Variants in SMIM14 observed in about 807,000 individuals in gnomAD.
SMIM14 encodes the protein small integral membrane protein 14.
SMIM14 carries 5 observed loss-of-function variants against 12.6 expected under a neutral mutation model. The ratio of observed to expected loss-of-function variants is 0.40; its 90% CI spans 0.21 to 0.83. The LOEUF is 0.83. Ranked by LOEUF, SMIM14 falls within the 40% of genes least tolerant of loss-of-function variation. The pLI, the probability that SMIM14 is intolerant of heterozygous loss-of-function variation, is 0.37. For synonymous variants in SMIM14, 30 were observed against 40.1 expected, an observed-to-expected ratio of 0.75 and a Z score of 0.95; for missense variants, 86 against 119.1, an observed-to-expected ratio of 0.72 and a Z score of 1.29.
intron 2 of SMIM14, among the ~76,000 whole-genome samples, chr4:39,590,022 CA>C (rs34159677): frequency 0.31 from 22,131 of 71,440 alleles, 914 homozygotes; most frequent in Middle Eastern, 0.41. Flanking sequence ...GACTCTGTTT[CA>C]AAAAAAAAAA....
At chr4:39,601,959 AC>A (rs201153622) in intron 2 of SMIM14, among the ~76,000 whole-genome samples, 10,520 of 123,956 alleles carry the variant, frequency 0.085, 774 homozygotes, top group East Asian at 0.12. Context: ...AAAAAAAAAA[AC>A]AAAAAAAATG....
At chr4:39,586,329 C>T (rs757147043) in intron 2 of SMIM14, among the ~76,000 whole-genome samples, 7 of 151,978 alleles carry the variant, frequency 4.6e-5, no homozygotes, top group Non-Finnish European at 7.3e-5. Flanking sequence ...GCTTAGAAAT[C>T]TCCTCAGCTA....
intron 2 of SMIM14, among the ~76,000 whole-genome samples, chr4:39,603,840 G>C (rs1278093174): frequency 1.3e-5 from 2 of 150,786 alleles, no homozygotes; most frequent in Non-Finnish European, 3.0e-5. Flanking sequence ...GTGAAACCCC[G>C]TCTCTACTAA....
At chr4:39,620,434 C>A (rs967969631) in intron 1 of SMIM14, among the ~76,000 whole-genome samples, 1 of 151,898 alleles carries the variant, frequency 6.6e-6, no homozygotes, top group African/African-American at 2.4e-5. Context: ...AGCCGGAGAT[C>A]GCGCCACTGC....
intron 1 of SMIM14, among the ~76,000 whole-genome samples, chr4:39,605,655 T>C (rs757851603): frequency 1.1e-4 from 17 of 152,210 alleles, no homozygotes; most frequent in Non-Finnish European, 1.5e-5. Flanking sequence ...GAGGTCAAGA[T>C]GGAGTATTGG....
At chr4:39,633,790 T>C (rs946291891) in intron 1 of SMIM14, among the ~76,000 whole-genome samples, 1 of 152,184 alleles carries the variant, frequency 6.6e-6, no homozygotes, top group African/African-American at 2.4e-5. Flanking sequence ...TATCAACGAA[T>C]ACAAAGTAAT....
intron 3 of SMIM14, among the ~76,000 whole-genome samples, chr4:39,571,336 G>T (rs140705437): frequency 1.3e-3 from 192 of 152,152 alleles, no homozygotes; most frequent in African/African-American, 4.5e-3. Flanking sequence ...CAAGCACTTT[G>T]AGAGGCCGAG....
chr4:39,603,584 T>C (rs893587033), intron 2 of SMIM14, among the ~76,000 whole-genome samples: 9 of 151,556 alleles, frequency 5.9e-5, no homozygotes, highest in African/African-American at 2.2e-4. Flanking sequence ...AAAATAATAA[T>C]AACAATAATA....
At position 39,627,127 on chromosome 4, in the gene SMIM14, G is replaced by A. The variant is rs1715733096; in HGVS notation, c.-36+11612C>T. Among the ~76,000 whole-genome samples the A allele has an allele frequency of 3.3e-5, 5 of 152,080 alleles. No homozygotes were observed. In the South Asian group the frequency reaches 1.0e-3, roughly 32 times the overall value. ...GTCCTACTATGGTGGAAGAGGGCAA[G>A]CAGCTCTCTGAGCCCTCTTTTATAA... On this transcript the variant is annotated intron_variant, in intron 1 of 4. Coordinates refer to ENST00000295958, the MANE Select transcript of SMIM14 (RefSeq NM_174921.3).
chr4:39,608,700 T>C (rs1447266159), intron 1 of SMIM14, among the ~76,000 whole-genome samples: 1 of 152,158 alleles, frequency 6.6e-6, no homozygotes, highest in Non-Finnish European at 1.5e-5. Context: ...AATAAAAAAG[T>C]TTTCAAAATG....
chr4:39,557,532 G>A lies in SMIM14; in HGVS notation c.125-962C>T, dbSNP rs142899032. Among the ~76,000 whole-genome samples, 474 of 152,268 alleles carry A rather than the reference G, an allele frequency of 3.1e-3. 3 individuals are homozygous for A. Among genetic ancestry groups the A allele is most frequent in the African/African-American group, 0.011 (447 of 41,548 alleles). ...AAGGCAAGCCGGCCATGCCATGTTT[G>A]TAGATTAATGAGGCTAGGGGCCCTA... On this transcript the variant is annotated intron_variant, in intron 3 of 4. Transcript: ENST00000295958.
intron 2 of SMIM14, among the ~76,000 whole-genome samples, chr4:39,579,582 C>T (rs1713388355): frequency 6.6e-6 from 1 of 151,664 alleles, no homozygotes; most frequent in Non-Finnish European, 1.5e-5. Flanking sequence ...AGGGCTCATG[C>T]TTGTAATCCC....
At chr4:39,560,250 C>CTTT (rs773257583) in intron 3 of SMIM14, among the ~76,000 whole-genome samples, 8 of 140,758 alleles carry the variant, frequency 5.7e-5, no homozygotes, top group South Asian at 2.3e-4. Flanking sequence ...CTTTTCTTTT[C>CTTT]TTTTTTTTTT....
rs181159960 is a variant in SMIM14 at position 39,584,179 on chromosome 4, C to G, written c.76-11716G>C. 1.8e-3 allele frequency among the ~76,000 whole-genome samples: 271 copies of G among 151,902 alleles called. 1 individual carries two copies. Among genetic ancestry groups the G allele is most frequent in the Non-Finnish European group, 3.2e-3 (218 of 67,968 alleles). ...GATTAAGTAACATCTCTATGCAGTA[C>G]TCCATAATGAAAATAATTTGGACTA... On this transcript the variant is annotated intron_variant, in intron 2 of 4. Coordinates refer to ENST00000295958, the MANE Select transcript of SMIM14 (RefSeq NM_174921.3).
chr4:39,590,361 C>T (rs1235975711), intron 2 of SMIM14, among the ~76,000 whole-genome samples: 1 of 149,818 alleles, frequency 6.7e-6, no homozygotes, highest in Non-Finnish European at 1.5e-5. Context: ...TACGGTGACC[C>T]GAGAATGCGC....
At position 39,565,110 on chromosome 4, in the gene SMIM14, C is replaced by A. The variant is rs370112962; in HGVS notation, c.124+7305G>T. 3.9e-5 allele frequency among the ~76,000 whole-genome samples: 6 copies of A among 152,148 alleles called. No individual in the cohort carries two copies. The East Asian group carries it at 9.7e-4, about 25-fold the overall frequency. On this transcript the variant is annotated intron_variant, in intron 3 of 4. Coordinates refer to ENST00000295958, the MANE Select transcript of SMIM14 (RefSeq NM_174921.3). ...GCACACACCTGTGGTCCCAGCTAATCAGGAGGCTGAGGTGGGAGGATTGCT... is the reference window on the plus strand; with the variant it reads ...GCACACACCTGTGGTCCCAGCTAATAAGGAGGCTGAGGTGGGAGGATTGCT...
At chr4:39,579,033 A>T (rs1713355699) in intron 2 of SMIM14, among the ~76,000 whole-genome samples, 1 of 151,480 alleles carries the variant, frequency 6.6e-6, no homozygotes, top group Admixed American at 6.6e-5. Flanking sequence ...ATATGAGTAA[A>T]GCAGTAATAG....
intron 1 of SMIM14, among the ~76,000 whole-genome samples, chr4:39,610,450 C>CT (rs35765334): frequency 0.13 from 19,284 of 151,036 alleles, 1,628 homozygotes; most frequent in South Asian, 0.3. Flanking sequence ...GGGTGATTGT[C>CT]TTTTTTTTTA....
chr4:39,554,357 C>T (rs1005365381), intron 4 of SMIM14, among the ~76,000 whole-genome samples: 2 of 152,210 alleles, frequency 1.3e-5, no homozygotes, highest in East Asian at 3.8e-4. Context: ...TCTGTAATGC[C>T]AGTACTTCGG....
Sources: allele counts gnomAD v4.1 joint callset (sites outside exome capture counted in the v4.1 genomes callset), GRCh38; gene constraint gnomAD v4.1.1; transcripts MANE v1.5; gene names NCBI Gene and HGNC (gene_info 2026-07-23, HGNC 2026-07-21).